RAB28: variants seen among roughly 807,000 people sequenced by gnomAD.
RAB28 encodes RAB28, member RAS oncogene family.
Under a neutral mutation model 31.7 loss-of-function variants are expected in RAB28, and 24 were observed. The ratio of observed to expected loss-of-function variants is 0.76; its 90% confidence interval spans 0.55 to 1.06. The LOEUF (loss-of-function observed/expected upper bound fraction) is 1.06, where lower values mean the gene tolerates loss of function less well. Ranked by LOEUF, RAB28 falls within the 50% of genes least tolerant of loss-of-function variation. RAB28 has a pLI of 0.00. For missense variants in RAB28, 254 were observed against 258.5 expected, an observed-to-expected ratio of 0.98 and a Z score of 0.12; for synonymous variants, 100 against 90.4, an observed-to-expected ratio of 1.11 and a Z score of -0.60.
chr4:13,468,174 T>A (rs1174972989), intron 3 of RAB28, among the ~76,000 whole-genome samples: 2 of 151,938 alleles, frequency 1.3e-5, no homozygotes, highest in Non-Finnish European at 2.9e-5. Flanking sequence ...AGTTGAAGAC[T>A]TTTTTCATTA....
At chr4:13,418,055 T>C (rs774502468) in intron 4 of RAB28, among the ~76,000 whole-genome samples, 1 of 152,116 alleles carries the variant, frequency 6.6e-6, no homozygotes, top group Non-Finnish European at 1.5e-5. Flanking sequence ...GAGAAGACCT[T>C]AAATGACCTG....
chr4:13,402,957 A>G (rs952757192), intron 4 of RAB28, among the ~76,000 whole-genome samples: 1 of 151,940 alleles, frequency 6.6e-6, no homozygotes, highest in African/African-American at 2.4e-5. Context: ...CTGCACCCGG[A>G]TAATTTCTGT....
intron 4 of RAB28, among the ~76,000 whole-genome samples, chr4:13,412,323 T>G (rs954662353): frequency 7.2e-5 from 11 of 152,210 alleles, no homozygotes; most frequent in Non-Finnish European, 1.5e-5. Flanking sequence ...AGATTGCTAG[T>G]AAGCAATCTG....
At chr4:13,390,309 T>C (rs1212739320) in intron 4 of RAB28, among the ~76,000 whole-genome samples, 3 of 152,024 alleles carry the variant, frequency 2.0e-5, no homozygotes, top group Non-Finnish European at 2.9e-5. Context: ...CATTCACAAT[T>C]ACTACAAAGA....
At chr4:13,448,506 C>T (rs1196375075) in intron 4 of RAB28, among the ~76,000 whole-genome samples, 1 of 152,034 alleles carries the variant, frequency 6.6e-6, no homozygotes, top group African/African-American at 2.4e-5. Context: ...AATTACAGTA[C>T]TGTCAAAATG....
chr4:13,448,895 G>T (rs1309085014), intron 4 of RAB28, among the ~76,000 whole-genome samples: 1 of 151,064 alleles, frequency 6.6e-6, no homozygotes, highest in Non-Finnish European at 1.5e-5. Context: ...CATGTGAAAA[G>T]AAGTTAAAAA....
At chr4:13,482,919 G>A (rs1382107998) in intron 1 of RAB28, among the ~76,000 whole-genome samples, 3 of 152,182 alleles carry the variant, frequency 2.0e-5, no homozygotes, top group South Asian at 2.1e-4. Context: ...AAGAGAAGTC[G>A]TCACCAGAGA....
Position 13,411,582 on chromosome 4 carries a change from T to G in RAB28, c.392-29988A>C, listed in dbSNP as rs1427693770. ...AGGCCATAGACACTGATTGTTTATG[T>G]TGCTAGGGAAATTCCAAATTACATA... On this transcript the variant is annotated intron_variant, in intron 4 of 6. Transcript: ENST00000330852. Among the ~76,000 whole-genome samples, 5 of 152,304 alleles carry G rather than the reference T, an allele frequency of 3.3e-5. No individual in the cohort carries two copies. The South Asian group carries it at 1.0e-3, about 32-fold the overall frequency.
At chr4:13,414,319 T>C (rs1049404101) in intron 4 of RAB28, among the ~76,000 whole-genome samples, 6 of 152,194 alleles carry the variant, frequency 3.9e-5, no homozygotes, top group African/African-American at 1.4e-4. Context: ...ACACTTAAGC[T>C]GTAAGGGAAA....
intron 5 of RAB28, among the ~76,000 whole-genome samples, chr4:13,380,331 A>G (rs182992516): frequency 2.2e-4 from 34 of 152,260 alleles, no homozygotes; most frequent in Admixed American, 5.9e-4. Context: ...AAAAATTTCA[A>G]ACTTCTTTTA....
chr4:13,417,767 G>T (rs1663781817), intron 4 of RAB28, among the ~76,000 whole-genome samples: 1 of 152,142 alleles, frequency 6.6e-6, no homozygotes, highest in African/African-American at 2.4e-5. Flanking sequence ...AAGGCCAAAG[G>T]TACATAAAAC....
intron 6 of RAB28, among the ~76,000 whole-genome samples, chr4:13,374,298 T>C (rs182281575): frequency 6.6e-6 from 1 of 152,216 alleles, no homozygotes; most frequent in East Asian, 1.9e-4. Context: ...GGGAACTATG[T>C]AGTTAACACA....
chr4:13,447,520 C>T (rs1343958652), intron 4 of RAB28, among the ~76,000 whole-genome samples: 1 of 152,150 alleles, frequency 6.6e-6, no homozygotes, highest in Non-Finnish European at 1.5e-5. Flanking sequence ...TTTACTTACA[C>T]TGCAAAACTA....
chr4:13,468,785 T>G (rs571537407), intron 3 of RAB28, among the ~76,000 whole-genome samples: 5 of 149,476 alleles, frequency 3.3e-5, no homozygotes, highest in African/African-American at 9.8e-5. Flanking sequence ...TGTTTTTTTT[T>G]TAAAAAAAAA....
intron 5 of RAB28, among the ~76,000 whole-genome samples, chr4:13,380,679 T>C (rs1004100799): frequency 2.6e-5 from 4 of 152,134 alleles, no homozygotes; most frequent in African/African-American, 9.6e-5. Context: ...ATGCTGGTGA[T>C]AGCATGAATT....
At chr4:13,383,167 C>T (rs1475392263) in intron 4 of RAB28, among the ~76,000 whole-genome samples, 1 of 152,062 alleles carries the variant, frequency 6.6e-6, no homozygotes, top group East Asian at 1.9e-4. Context: ...ATTTATATAT[C>T]CAATTTATCA....
At chr4:13,403,172 C>A (rs1711875873) in intron 4 of RAB28, among the ~76,000 whole-genome samples, 1 of 152,146 alleles carries the variant, frequency 6.6e-6, no homozygotes, top group African/African-American at 2.4e-5. Flanking sequence ...AAGACAGAAA[C>A]AGATAAGTGT....
intron 3 of RAB28, among the ~76,000 whole-genome samples, chr4:13,463,387 T>C (rs575101824): frequency 6.6e-6 from 1 of 152,316 alleles, no homozygotes; most frequent in East Asian, 1.9e-4. Flanking sequence ...TGGTAAACTA[T>C]GGCCCATGGG....
intron 6 of RAB28, chr4:13,370,966 T>C (rs1728691102): frequency 1.0e-6 from 1 of 982,430 alleles, no homozygotes; most frequent in Non-Finnish European, 1.2e-6. Context: ...ATATTTTAGA[T>C]TTAAACCTAT....
Sources: allele counts gnomAD v4.1 joint callset (sites outside exome capture counted in the v4.1 genomes callset), GRCh38; gene constraint gnomAD v4.1.1; transcripts MANE v1.5; gene names NCBI Gene and HGNC (gene_info 2026-07-23, HGNC 2026-07-21).